Variants in CC2D1B observed in about 807,000 individuals in gnomAD.
CC2D1B encodes coiled-coil and C2 domain-containing protein 1B.
In CC2D1B, 92 loss-of-function variants were observed where a neutral mutation model predicts 110.8. That is an observed-to-expected ratio of 0.83 (90% confidence interval 0.70 to 0.99). The LOEUF (loss-of-function observed/expected upper bound fraction) is 0.99, where lower values mean the gene tolerates loss of function less well. CC2D1B is among the 50% of genes least tolerant of loss of function. The pLI is 0.00. For missense variants in CC2D1B, 1,136 were observed against 1,089.0 expected (o/e 1.04, Z -0.61); for synonymous variants, 406 against 429.2 (o/e 0.95, Z 0.67).
chr1:52,360,634 T>C (rs916870802), intron 5 of CC2D1B, 85 bp from the exon 6 acceptor site: 2 of 1,532,008 alleles, frequency 1.3e-6, no homozygotes, highest in Non-Finnish European at 1.8e-6. Flanking sequence ...CCCTAGAAGA[T>C]GGAGCTCTGG....
At chr1:52,354,269 C>T (rs543840174) in intron 23 of CC2D1B, 72 of 477,018 alleles carry the variant, frequency 1.5e-4, no homozygotes, top group African/African-American at 1.3e-3. Flanking sequence ...CTGGTCGTAG[C>T]TCTGCCAAGG....
Position 52,362,635 on chromosome 1 carries a change from T to G in CC2D1B, c.181A>C (p.Thr61Pro). Residue 61 changes from threonine to proline, a missense_variant, in exon 3 of 25, where the codon ACC becomes CCC. Coordinates refer to ENST00000284376, the MANE Select transcript of CC2D1B (RefSeq NM_001330585.2). Reference protein sequence around the residue: ...ELLALTGEAQTTGKKPAPKGQ... With the variant: ...ELLALTGEAQPTGKKPAPKGQ... ...TTGGGTGCTGGCTTCTTGCCTGTGGTTTGTGCTTCCCCTGTGAGAGCCAGC... is the reference window on the plus strand; with the variant it reads ...TTGGGTGCTGGCTTCTTGCCTGTGGGTTGTGCTTCCCCTGTGAGAGCCAGC... The G allele has an allele frequency of 6.2e-7, 1 of 1,614,142 alleles. No homozygotes were observed. Among genetic ancestry groups the G allele is most frequent in the Non-Finnish European group, 8.5e-7 (1 of 1,180,024 alleles).
Position 52,364,535 on chromosome 1 carries a change from A to T in CC2D1B, c.69+17T>A, listed in dbSNP as rs1404594214. ...TCCCCAAACCGACCCAGTAGCCTAG[A>T]AGGCTAAGTTCCATACCTGCTTGGC... is the stretch of plus-strand genomic sequence containing the variant. On this transcript the variant is annotated intron_variant, in intron 2 of 24. Transcript: ENST00000284376. The T allele has an allele frequency of 3.2e-6, 5 of 1,568,432 alleles. No homozygotes were observed. The highest frequency in any genetic ancestry group is 4.4e-6 in the Non-Finnish European group (5 of 1,144,790).
chr1:52,357,188 CA>C (rs1211574790), intron 15 of CC2D1B, 62 bp from the exon 16 acceptor site: 1 of 1,588,304 alleles, frequency 6.3e-7, no homozygotes. Flanking sequence ...CCAAGTCCAA[CA>C]AAGGCAGGAG....
At chr1:52,362,477 G>C (rs973164420) in intron 3 of CC2D1B, 125 bp downstream of exon 3, 6 of 1,167,784 alleles carry the variant, frequency 5.1e-6, no homozygotes, top group Non-Finnish European at 7.4e-6. Flanking sequence ...GTGGGAGTGC[G>C]GCAGATGGGT....
At chr1:52,358,223 G>A in intron 13 of CC2D1B, 108 bp downstream of exon 13, 2 of 1,452,774 alleles carry the variant, frequency 1.4e-6, no homozygotes, top group Admixed American at 2.2e-5. Context: ...TACAGTGGAG[G>A]AAAGAATATG....
At position 52,359,821 on chromosome 1, in the gene CC2D1B, C is replaced by T. The variant is rs1646740062; in HGVS notation, c.826G>A (p.Asp276Asn). 3.7e-6 allele frequency: 6 copies of T among 1,611,754 alleles called. No homozygotes were observed. The highest frequency in any genetic ancestry group is 4.2e-6 in the Non-Finnish European group (5 of 1,179,056). Reference protein sequence around the residue: ...GISAQPVSDLDPDPRALLSSR... With the variant: ...GISAQPVSDLNPDPRALLSSR... ...GACAGCAGGGCCCGCGGGTCTGGGT[C>T]TAAGTCTGAAACGGGCTGGGCAGAA... Residue 276 changes from aspartate (D) to asparagine (N), a missense_variant, in exon 8 of 25, where the codon GAC (aspartate) becomes AAC (asparagine). Asp to Asn is a conservative substitution (Grantham distance 23). Transcript: ENST00000284376.
chr1:52,359,621 ACTCAAT>A lies in CC2D1B; in HGVS notation c.942+78_942+83del, dbSNP rs1646734811. 3.3e-5 allele frequency: 51 copies of A among 1,559,016 alleles called. 1 individual carries two copies. The South Asian group carries it at 5.8e-4, about 18-fold the overall frequency. ...AACAACCCCCACTTAGGCCAATCTC[ACTCAAT>A]CTCAGTCTAGCTCCCTTTCTGAGCC... On this transcript the variant is annotated intron_variant, in intron 8 of 24. Transcript: ENST00000284376.
In CC2D1B at chr1:52,360,466, T is replaced by C. The variant is rs1285895411; in HGVS notation, c.561A>G (p.Ala187=). ...AGCGCCTGGCTTTGGCTGCTTCGCC[T>C]GCCTCCTTGGCACTGGCCGCAGCCT... ...YREAAASAKE[A]GEAAKARRCE... is the part of the protein sequence containing the mutation. The change falls in exon 6 of 25, where the codon GCA becomes GCG. Residue 187 remains alanine (A), a synonymous_variant. Coordinates refer to ENST00000284376, the MANE Select transcript of CC2D1B (RefSeq NM_001330585.2). The C allele has an allele frequency of 6.2e-7, 1 of 1,614,026 alleles. No homozygotes were observed. Among genetic ancestry groups the C allele is most frequent in the Non-Finnish European group, 8.5e-7 (1 of 1,180,030 alleles).
Position 52,360,195 on chromosome 1 carries a change from T to C in CC2D1B, c.642A>G (p.Arg214=), listed in dbSNP as rs1646748401. 1 of 1,613,984 alleles carries C rather than the reference T, an allele frequency of 6.2e-7. No individual in the cohort carries two copies. Among genetic ancestry groups the C allele is most frequent in the Non-Finnish European group, 8.5e-7 (1 of 1,180,018 alleles). The part of the protein sequence containing the change: ...ESQLASVRRG[R]KINEDEIPPP... Reference sequence around the variant, plus strand: ...GTGGGATCTCATCCTCATTGATCTTTCTGCCTCTCCTCACAGAGGCTAGCT... The same window carrying C: ...GTGGGATCTCATCCTCATTGATCTTCCTGCCTCTCCTCACAGAGGCTAGCT... The change falls in exon 7 of 25, where the codon AGA becomes AGG. Residue 214 remains arginine, a synonymous_variant. Transcript: ENST00000284376.
intron 2 of CC2D1B, among the ~76,000 whole-genome samples, chr1:52,363,846 A>G (rs530809973): frequency 7.9e-5 from 12 of 152,132 alleles, no homozygotes; most frequent in African/African-American, 2.4e-4. Context: ...ACGCCCAGCT[A>G]ATTTTTGTAT....
At chr1:52,365,042 T>G (rs1646854228) in intron 1 of CC2D1B, among the ~76,000 whole-genome samples, 1 of 152,222 alleles carries the variant, frequency 6.6e-6, no homozygotes, top group South Asian at 2.1e-4. Context: ...ACATTCCAAG[T>G]GCTTAACAGC....
chr1:52,362,904 G>GAGACACTTACCT (rs1472907760), intron 2 of CC2D1B, among the ~76,000 whole-genome samples, 158 bp from the exon 3 acceptor site: 1 of 152,142 alleles, frequency 6.6e-6, no homozygotes, highest in Non-Finnish European at 1.5e-5. Flanking sequence ...ATTACTCCTT[G>GAGACACTTACCT]AGACACTTAC....
intron 7 of CC2D1B, 64 bp from the exon 8 acceptor site, chr1:52,359,947 T>C: frequency 6.4e-7 from 1 of 1,566,430 alleles, no homozygotes; most frequent in Non-Finnish European, 8.7e-7. Context: ...GCCCACGGAC[T>C]TCACTGGCTT....
At chr1:52,358,049 G>A in intron 13 of CC2D1B, 151 bp from the exon 14 acceptor site, 2 of 1,217,334 alleles carry the variant, frequency 1.6e-6, no homozygotes, top group East Asian at 5.1e-5. Flanking sequence ...AAAGATCTGA[G>A]AGCTAGAAGC....
intron 11 of CC2D1B, 120 bp downstream of exon 11, chr1:52,358,907 C>G: frequency 1.3e-6 from 2 of 1,483,712 alleles, no homozygotes; most frequent in Non-Finnish European, 1.8e-6. Context: ...GCAAGAGCCC[C>G]AGAGAGACAA....
Position 52,362,710 on chromosome 1 carries a change from G to C in CC2D1B, c.106C>G (p.Leu36Val). 1 of 1,614,088 alleles carries C rather than the reference G, an allele frequency of 6.2e-7. No homozygotes were observed. The highest frequency in any genetic ancestry group is 8.5e-7 in the Non-Finnish European group (1 of 1,180,004). ...LFMEFGPEDM[L>V]LGMDEAEDDE... is the part of the protein sequence containing the mutation. ...TCTTCAGCCTCATCCATGCCCAGCA[G>C]CATGTCCTCAGGGCCAAACTCCATA... The change falls in exon 3 of 25, where the codon CTG becomes GTG. Residue 36 changes from leucine to valine, a missense_variant. Transcript: ENST00000284376.
At chr1:52,355,481 C>T (rs770136017) in intron 20 of CC2D1B, 32 bp from the exon 21 acceptor site, 28 of 1,613,504 alleles carry the variant, frequency 1.7e-5, no homozygotes, top group Non-Finnish European at 2.5e-6. Flanking sequence ...GTCAGGACAG[C>T]GTATAAACAA....
rs1441069702 is a variant in CC2D1B at position 52,352,502 on chromosome 1, G to GACTT, written c.*719_*722dup. 1.3e-5 allele frequency: 2 copies of GACTT among 152,662 alleles called. No individual in the cohort carries two copies. The highest frequency in any genetic ancestry group is 4.8e-5 in the African/African-American group (2 of 41,540). The allele number at this position is 152,662 out of a possible 1,614,324, so 9.5% of individuals were successfully genotyped here. On this transcript the variant is annotated 3_prime_UTR_variant, in exon 25 of 25. Coordinates refer to ENST00000284376, the MANE Select transcript of CC2D1B (RefSeq NM_001330585.2). ...AGTATAAAATCCCTACAATGAGTTA[G>GACTT]ACTTAGTTTCCTAGATAAATAAACG...
Sources: allele counts gnomAD v4.1 joint callset (sites outside exome capture counted in the v4.1 genomes callset), GRCh38; gene constraint gnomAD v4.1.1; transcripts MANE v1.5; gene names NCBI Gene and HGNC (gene_info 2026-07-23, HGNC 2026-07-21).